Variants in SLC25A53 observed in about 807,000 individuals in gnomAD.
SLC25A53 encodes the protein solute carrier family 25 member 53.
A neutral mutation model predicts 15.0 loss-of-function variants in SLC25A53; 5 were observed. The ratio of observed to expected loss-of-function variants is 0.33; its 90% confidence interval spans 0.17 to 0.70. SLC25A53 has a LOEUF of 0.70. Ranked by LOEUF, SLC25A53 falls within the 30% of genes least tolerant of loss-of-function variation. SLC25A53 has a pLI of 0.67. For synonymous variants in SLC25A53, 95 were observed against 100.0 expected (o/e 0.95, Z 0.30); for missense variants, 216 against 241.6 (o/e 0.89, Z 0.70).
At chrX:104,105,775 C>G (rs2075306277) in intron 1 of SLC25A53, among the ~76,000 whole-genome samples, 1 of 111,587 alleles carries the variant, frequency 9.0e-6, no homozygotes, top group Non-Finnish European at 1.9e-5. Context: ...GGGAATCTCC[C>G]CTCGCCTTTC....
In SLC25A53 at chrX:104,102,399, A is replaced by G. The variant is rs2075285135; in HGVS notation, c.*1935T>C. 8.9e-6 allele frequency: 1 copy of G among 112,663 alleles called. No homozygotes were observed. The highest frequency in any genetic ancestry group is 3.2e-5 in the African/African-American group (1 of 31,020). The allele number at this position is 112,663 out of a possible 1,213,427, so 9.3% of individuals were successfully genotyped here. A position where few individuals can be genotyped will look rare whatever the true frequency, so the allele number is the denominator to read the frequency against. On this transcript the variant is annotated 3_prime_UTR_variant, in exon 2 of 2. Coordinates refer to ENST00000594199, the MANE Select transcript of SLC25A53 (RefSeq NM_001012755.5). ...CTGTTTGTGAAATTTCAGTTCCTGA[A>G]CTGGTGCTAATAGCAAACATGCCAT...
chrX:104,129,970 C>T (rs1416436176), intron 1 of SLC25A53, among the ~76,000 whole-genome samples: 3 of 108,170 alleles, frequency 2.8e-5, no homozygotes, highest in African/African-American at 1.0e-4. Flanking sequence ...TTTTACTAGT[C>T]TAACTTTGTG....
rs919076759 is a variant in SLC25A53, at chrX:104,144,796, G to A, written c.-32+12082C>T. On this transcript the variant is annotated intron_variant, in intron 1 of 1. Transcript: ENST00000594199. ...CTAAATATACATGCACCCAATACAG[G>A]AGCACCTAGATTCATAAAGCAAGTT... 4.5e-5 allele frequency among the ~76,000 whole-genome samples: 5 copies of A among 111,272 alleles called. No individual in the cohort carries two copies. In the Admixed American group the frequency reaches 4.8e-4, roughly 11 times the overall value.
At chrX:104,112,919 T>A (rs2075356174) in intron 1 of SLC25A53, 3 of 110,855 alleles carry the variant, frequency 2.7e-5, no homozygotes, top group Admixed American at 1.9e-4. Flanking sequence ...GAGCACTCCC[T>A]TGGCCTGGTT....
At chrX:104,138,445 T>C (rs1163656583) in intron 1 of SLC25A53, among the ~76,000 whole-genome samples, 1 of 112,273 alleles carries the variant, frequency 8.9e-6, no homozygotes, top group Non-Finnish European at 1.9e-5. Context: ...TATGGGAGCA[T>C]ACAGATGGGC....
chrX:104,147,571 C>T (rs1263851689), intron 1 of SLC25A53, among the ~76,000 whole-genome samples: 1 of 101,282 alleles, frequency 9.9e-6, no homozygotes, highest in Non-Finnish European at 2.0e-5. Flanking sequence ...GGCTAATATC[C>T]AGAATGTACA....
At chrX:104,154,495 A>C (rs1160427781) in intron 1 of SLC25A53, among the ~76,000 whole-genome samples, 1 of 112,465 alleles carries the variant, frequency 8.9e-6, no homozygotes, top group East Asian at 2.8e-4. Context: ...ATATCCAAAG[A>C]ATTTGAAATC....
chrX:104,136,776 G>T (rs1389092635), intron 1 of SLC25A53, among the ~76,000 whole-genome samples: 1 of 111,722 alleles, frequency 9.0e-6, no homozygotes, highest in Non-Finnish European at 1.9e-5. Context: ...TTGTACTCAA[G>T]CTCTATTATA....
At chrX:104,115,549 T>C (rs1763208346) in intron 1 of SLC25A53, 1 of 330,985 alleles carries the variant, frequency 3.0e-6, no homozygotes, top group African/African-American at 2.7e-5. Context: ...CATGTGTCTA[T>C]TTCTTTGATG....
At chrX:104,122,801 C>G (rs1004570309) in intron 1 of SLC25A53, among the ~76,000 whole-genome samples, 5 of 111,450 alleles carry the variant, frequency 4.5e-5, no homozygotes, top group African/African-American at 1.6e-4. Flanking sequence ...AATCTGAATA[C>G]TGTACTTTGT....
Position 104,115,246 on chromosome X carries a change from C to G in SLC25A53, c.-31-9958G>C. ...GGTTTTTGAGAATCTGATCATCACCCTGCAGGAGCTGACACATACAGAGGA... is the reference window on the plus strand; with the variant it reads ...GGTTTTTGAGAATCTGATCATCACCGTGCAGGAGCTGACACATACAGAGGA... On this transcript the variant is annotated intron_variant, in intron 1 of 1. Transcript: ENST00000594199. 4 of 1,200,454 alleles carry G rather than the reference C, an allele frequency of 3.3e-6. No homozygotes were observed. The South Asian group carries it at 7.2e-5, about 22-fold the overall frequency.
Position 104,121,876 on chromosome X carries a change from TATATATATATATATATATATATATATA to T in SLC25A53, c.-31-16615_-31-16589del, listed in dbSNP as rs1213877077. Among the ~76,000 whole-genome samples the T allele has an allele frequency of 3.6e-3, 177 of 49,782 alleles. 7 individuals carry two copies. Among genetic ancestry groups the T allele is most frequent in the African/African-American group, 1.0e-2 (113 of 11,306 alleles). The allele number at this position is 49,782 out of a possible 115,157, so 43.2% of individuals were successfully genotyped here. A position where few individuals can be genotyped will look rare whatever the true frequency, so the allele number is the denominator to read the frequency against. On this transcript the variant is annotated intron_variant, in intron 1 of 1. Transcript: ENST00000594199. ...CTAGACATCACATCAAATGGTATGA[TATATATATATATATATATATATATATA>T]TATATATATATATATATATATATAT...
intron 1 of SLC25A53, chrX:104,112,711 G>T (rs2075354354): frequency 8.8e-6 from 1 of 113,363 alleles, no homozygotes; most frequent in African/African-American, 3.2e-5. Context: ...GGAGGCGGCA[G>T]AGATCCCGTT....
intron 1 of SLC25A53, among the ~76,000 whole-genome samples, chrX:104,149,878 T>C (rs1447898222): frequency 9.0e-6 from 1 of 111,104 alleles, no homozygotes; most frequent in Non-Finnish European, 1.9e-5. Flanking sequence ...GATCTGATTT[T>C]TTAGGGAAAA....
At chrX:104,147,066 A>C (rs1264476102) in intron 1 of SLC25A53, among the ~76,000 whole-genome samples, 2 of 111,797 alleles carry the variant, frequency 1.8e-5, no homozygotes, top group Non-Finnish European at 1.9e-5. Flanking sequence ...TACAAGGCTA[A>C]AGTAACCAAA....
chrX:104,132,833 C>T (rs193179862), intron 1 of SLC25A53, among the ~76,000 whole-genome samples: 1 of 111,967 alleles, frequency 8.9e-6, no homozygotes, highest in East Asian at 2.8e-4. Flanking sequence ...AGAGTTTCCA[C>T]AGCAGCTGAA....
intron 1 of SLC25A53, among the ~76,000 whole-genome samples, chrX:104,127,186 C>G (rs1301185451): frequency 8.9e-6 from 1 of 112,614 alleles, no homozygotes; most frequent in Non-Finnish European, 1.9e-5. Flanking sequence ...ATTACTGATA[C>G]ACACAACAAC....
chrX:104,117,888 C>G, intron 1 of SLC25A53, among the ~76,000 whole-genome samples: 1 of 112,309 alleles, frequency 8.9e-6, no homozygotes, highest in African/African-American at 3.2e-5. Context: ...TACCCCCATC[C>G]TCCTTTTCAC....
At chrX:104,154,824 T>G (rs782751132) in intron 1 of SLC25A53, among the ~76,000 whole-genome samples, 5 of 111,921 alleles carry the variant, frequency 4.5e-5, no homozygotes, top group Non-Finnish European at 9.4e-5. Flanking sequence ...AAATTTCATA[T>G]TCCAAAAGAG....
Sources: gnomAD v4.1 joint callset for allele counts (sites outside exome capture counted in the v4.1 genomes callset) on GRCh38, gnomAD v4.1.1 for gene constraint, MANE v1.5 for transcripts, NCBI Gene and HGNC (gene_info 2026-07-23, HGNC 2026-07-21) for gene names.